ITPRID1: variants seen among roughly 807,000 people sequenced by gnomAD.
ITPRID1 encodes protein ITPRID1.
In ITPRID1, 96 loss-of-function variants were observed where a neutral mutation model predicts 95.4. The observed-to-expected ratio is 1.01, with a 90% CI of 0.85 to 1.19. ITPRID1 has a LOEUF of 1.19. Ranked by LOEUF, ITPRID1 falls within the 50% of genes most tolerant of loss-of-function variation. The pLI is 0.00. For missense variants in ITPRID1, 1,339 were observed against 1,252.9 expected (o/e 1.07, Z -1.04); for synonymous variants, 510 against 453.6 (o/e 1.12, Z -1.58).
intron 12 of ITPRID1, 25 bp downstream of exon 12, chr7:31,643,978 G>A: frequency 6.4e-7 from 1 of 1,573,618 alleles, no homozygotes. Context: ...TGGCAAAGAT[G>A]GAAAGGCAGA....
intron 2 of ITPRID1, among the ~76,000 whole-genome samples, chr7:31,552,259 T>G (rs1784305819): frequency 7.0e-6 from 1 of 142,858 alleles, no homozygotes; most frequent in Non-Finnish European, 1.6e-5. Flanking sequence ...ATATATAGCA[T>G]AGTCATGGGA....
intron 1 of ITPRID1, 102 bp from the exon 2 acceptor site, chr7:31,549,324 T>G (rs915173128): frequency 2.1e-5 from 15 of 721,200 alleles, no homozygotes; most frequent in Non-Finnish European, 3.0e-5. Flanking sequence ...CCAAACTAAG[T>G]AATTTCAAGA....
chr7:31,639,387 T>C (rs960284835), intron 10 of ITPRID1, among the ~76,000 whole-genome samples: 39 of 113,428 alleles, frequency 3.4e-4, no homozygotes, highest in Admixed American at 9.9e-4. Flanking sequence ...ATATATCCAG[T>C]ATAAATTTTA....
At chr7:31,576,891 ATTATC>A (rs1785204306) in intron 8 of ITPRID1, among the ~76,000 whole-genome samples, 1 of 151,724 alleles carries the variant, frequency 6.6e-6, no homozygotes, top group South Asian at 2.1e-4. Flanking sequence ...CAATGATTTT[ATTATC>A]TTGAGATACC....
chr7:31,576,175 CAACAT>C (rs1390419434), intron 8 of ITPRID1, among the ~76,000 whole-genome samples: 10 of 152,078 alleles, frequency 6.6e-5, no homozygotes, highest in Admixed American at 5.2e-4. Flanking sequence ...CTAATTTCTA[CAACAT>C]AACACTTGAT....
intron 10 of ITPRID1, among the ~76,000 whole-genome samples, chr7:31,604,918 C>T (rs1236029606): frequency 6.6e-6 from 1 of 152,016 alleles, no homozygotes; most frequent in Non-Finnish European, 1.5e-5. Context: ...GGAGGATCAC[C>T]TGAGGTCAGG....
intron 10 of ITPRID1, among the ~76,000 whole-genome samples, chr7:31,632,145 G>A (rs1789060788): frequency 6.6e-6 from 1 of 152,134 alleles, no homozygotes; most frequent in South Asian, 2.1e-4. Context: ...TCAGAATGAA[G>A]ATTAAAATTA....
At chr7:31,645,351 CA>C (rs1790374668) in intron 12 of ITPRID1, among the ~76,000 whole-genome samples, 1 of 152,092 alleles carries the variant, frequency 6.6e-6, no homozygotes, top group African/African-American at 2.4e-5. Flanking sequence ...AATAATTTAT[CA>C]GATCATTTTT....
At chr7:31,520,862 C>T (rs916885694) in intron 1 of ITPRID1, among the ~76,000 whole-genome samples, 1 of 151,738 alleles carries the variant, frequency 6.6e-6, no homozygotes, top group African/African-American at 2.4e-5. Context: ...CTGATGTCTC[C>T]ATCTCTAATC....
intron 10 of ITPRID1, among the ~76,000 whole-genome samples, chr7:31,624,382 C>A (rs1405988812): frequency 1.4e-5 from 2 of 145,674 alleles, no homozygotes; most frequent in East Asian, 2.0e-4. Flanking sequence ...TACTACAAGG[C>A]TACAGTAACC....
intron 7 of ITPRID1, among the ~76,000 whole-genome samples, chr7:31,572,673 A>G (rs1199491380): frequency 6.6e-6 from 1 of 152,184 alleles, no homozygotes; most frequent in Non-Finnish European, 1.5e-5. Flanking sequence ...AATTGAGGGG[A>G]GTGAAAGCAT....
chr7:31,539,683 G>A (rs2128132562), intron 1 of ITPRID1, among the ~76,000 whole-genome samples: 1 of 152,312 alleles, frequency 6.6e-6, no homozygotes, highest in African/African-American at 2.4e-5. Context: ...ATAAACCTGA[G>A]AGGGGCTTCT....
At chr7:31,658,436 CACATGTCGA>C, downstream of ITPRID1, 2 of 1,426,240 alleles carry the variant, frequency 1.4e-6, no homozygotes, top group Non-Finnish European at 1.8e-6. Context: ...CAGAGTATAA[CACATGTCGA>C]ACAAAATAGA....
intron 1 of ITPRID1, among the ~76,000 whole-genome samples, chr7:31,548,260 A>C (rs1159910454): frequency 2.0e-5 from 3 of 152,124 alleles, no homozygotes; most frequent in African/African-American, 7.2e-5. Context: ...ATTGATAATG[A>C]AATCTTCCAG....
intron 10 of ITPRID1, among the ~76,000 whole-genome samples, chr7:31,622,779 G>GAGAC (rs1024999373): frequency 7.9e-5 from 12 of 152,054 alleles, no homozygotes; most frequent in African/African-American, 2.7e-4. Context: ...GAAGGAAATA[G>GAGAC]AGACACAAAA....
At chr7:31,614,710 G>A (rs2128166441) in intron 10 of ITPRID1, among the ~76,000 whole-genome samples, 1 of 152,270 alleles carries the variant, frequency 6.6e-6, no homozygotes, top group African/African-American at 2.4e-5. Context: ...AGAGCGTTGT[G>A]GCACAGTGAG....
At chr7:31,601,492 A>T (rs1024457631) in intron 10 of ITPRID1, among the ~76,000 whole-genome samples, 2 of 152,202 alleles carry the variant, frequency 1.3e-5, no homozygotes, top group Non-Finnish European at 2.9e-5. Flanking sequence ...CCCCTGGTCA[A>T]GTGCTCTGAC....
Position 31,642,807 on chromosome 7 carries a change from T to C in ITPRID1, c.1437T>C (p.Ser479=). ...QLESDGPDSK[S]RASMSFSSQE... is the part of the protein sequence containing the mutation. ...AGTCGGATGGGCCAGATTCCAAAAG[T>C]AGGGCGAGCATGTCTTTTTCAAGCC... Residue 479 remains serine (S), a synonymous_variant, in exon 12 of 15, where the codon AGT becomes AGC. Transcript: ENST00000615280. The C allele has an allele frequency of 6.2e-7, 1 of 1,613,756 alleles. No individual in the cohort carries two copies. The highest frequency in any genetic ancestry group is 8.5e-7 in the Non-Finnish European group (1 of 1,179,774).
At chr7:31,619,894 A>G (rs1787652578) in intron 10 of ITPRID1, among the ~76,000 whole-genome samples, 1 of 152,044 alleles carries the variant, frequency 6.6e-6, no homozygotes, top group Admixed American at 6.5e-5. Context: ...AAATCGGGTC[A>G]CTCCCACCCA....
Sources: gnomAD v4.1 joint callset for allele counts (sites outside exome capture counted in the v4.1 genomes callset) on GRCh38, gnomAD v4.1.1 for gene constraint, MANE v1.5 for transcripts, NCBI Gene and HGNC (gene_info 2026-07-23, HGNC 2026-07-21) for gene names.